Variants in MAGI1 observed in about 807,000 individuals in gnomAD.
MAGI1 encodes the protein membrane associated guanylate kinase, WW and PDZ domain containing 1.
Under a neutral mutation model 139.9 loss-of-function variants are expected in MAGI1, and 58 were observed. The observed-to-expected ratio is 0.41, with a 90% CI of 0.34 to 0.52. The LOEUF is 0.52. Ranked by LOEUF, MAGI1 falls within the 20% of genes least tolerant of loss-of-function variation. The pLI is 0.12. For synonymous variants in MAGI1, 812 were observed against 737.9 expected (o/e 1.10, Z -1.63); for missense variants, 1,874 against 1,901.6 (o/e 0.99, Z 0.27).
At chr3:65,696,724 T>A (rs902821972) in intron 1 of MAGI1, among the ~76,000 whole-genome samples, 7 of 152,142 alleles carry the variant, frequency 4.6e-5, no homozygotes, top group African/African-American at 1.4e-4. Flanking sequence ...CAAAAATTAA[T>A]GTATCACACC....
intron 1 of MAGI1, among the ~76,000 whole-genome samples, chr3:65,746,497 G>T (rs2035721660): frequency 6.6e-6 from 1 of 152,104 alleles, no homozygotes; most frequent in Non-Finnish European, 1.5e-5. Context: ...CTATATCATT[G>T]ACAGTATAAT....
At chr3:66,005,754 T>C in intron 1 of MAGI1, among the ~76,000 whole-genome samples, 1 of 151,964 alleles carries the variant, frequency 6.6e-6, no homozygotes, top group East Asian at 1.9e-4. Flanking sequence ...AGGGAGAGAT[T>C]TGGTAGAGGA....
intron 2 of MAGI1, among the ~76,000 whole-genome samples, chr3:65,590,970 T>C (rs2081940467): frequency 6.6e-6 from 1 of 152,240 alleles, no homozygotes; most frequent in African/African-American, 2.4e-5. Flanking sequence ...TTTCAAATCC[T>C]AAAATGTGCA....
At chr3:65,393,331 T>C (rs1263687337) in intron 13 of MAGI1, among the ~76,000 whole-genome samples, 1 of 152,208 alleles carries the variant, frequency 6.6e-6, no homozygotes, top group African/African-American at 2.4e-5. Flanking sequence ...AGCCCTTTTT[T>C]TGTGTGAACC....
chr3:65,726,434 A>G (rs116374097), intron 1 of MAGI1, among the ~76,000 whole-genome samples: 41 of 152,312 alleles, frequency 2.7e-4, no homozygotes, highest in Non-Finnish European at 5.3e-4. Flanking sequence ...ACAAATGAGA[A>G]GTAGATTCAG....
At position 65,587,487 on chromosome 3, in the gene MAGI1, T is replaced by C. The variant is rs1050111463; in HGVS notation, c.430+34485A>G. ...TTTATTATTACTTTTTTCTTTTTTT[T>C]TTTTTTTTTTTTTTGAGACAGGGTC... On this transcript the variant is annotated intron_variant, in intron 2 of 22. Transcript: ENST00000402939. 1.9e-4 allele frequency among the ~76,000 whole-genome samples: 28 copies of C among 143,930 alleles called. No homozygotes were observed. The South Asian group carries it at 2.7e-3, about 14-fold the overall frequency. 94.4% of individuals were successfully genotyped at this position (143,930 alleles called of 152,430 possible).
chr3:65,933,956 T>C (rs1037883799), intron 1 of MAGI1, among the ~76,000 whole-genome samples: 2 of 151,948 alleles, frequency 1.3e-5, no homozygotes, highest in African/African-American at 4.8e-5. Context: ...TGAAACCCCA[T>C]CTCTACTAAA....
At chr3:65,387,472 A>C (rs920556456) in intron 14 of MAGI1, among the ~76,000 whole-genome samples, 1 of 151,646 alleles carries the variant, frequency 6.6e-6, no homozygotes, top group Non-Finnish European at 1.5e-5. Context: ...TCCTATTACT[A>C]TCTTAAACTC....
intron 1 of MAGI1, among the ~76,000 whole-genome samples, chr3:65,720,716 C>T (rs1464202537): frequency 6.6e-6 from 1 of 151,994 alleles, no homozygotes; most frequent in Non-Finnish European, 1.5e-5. Flanking sequence ...CTGCCTGAGC[C>T]TGATATGCTC....
chr3:65,375,310 T>C (rs1158429618), intron 18 of MAGI1, among the ~76,000 whole-genome samples: 2 of 151,134 alleles, frequency 1.3e-5, no homozygotes, highest in Non-Finnish European at 2.9e-5. Flanking sequence ...TGCCTCAGCC[T>C]CCCGAGCAGC....
intron 1 of MAGI1, among the ~76,000 whole-genome samples, chr3:65,622,872 A>G (rs1196402098): frequency 6.6e-6 from 1 of 152,090 alleles, no homozygotes; most frequent in Non-Finnish European, 1.5e-5. Context: ...TGGCCCTACT[A>G]TAGCTTTTTT....
At chr3:65,670,071 G>T (rs532976061) in intron 1 of MAGI1, among the ~76,000 whole-genome samples, 61 of 152,180 alleles carry the variant, frequency 4.0e-4, no homozygotes, top group African/African-American at 1.4e-3. Flanking sequence ...CCACAAATTT[G>T]ATATTTGTTC....
intron 1 of MAGI1, among the ~76,000 whole-genome samples, chr3:65,917,351 G>C (rs1206308357): frequency 6.6e-6 from 1 of 152,200 alleles, no homozygotes; most frequent in Non-Finnish European, 1.5e-5. Flanking sequence ...CTGCTGGTGG[G>C]AATGCAAAAT....
At chr3:65,397,257 T>A (rs1272439896) in intron 13 of MAGI1, among the ~76,000 whole-genome samples, 1 of 152,198 alleles carries the variant, frequency 6.6e-6, no homozygotes, top group African/African-American at 2.4e-5. Context: ...AACGGAATGA[T>A]CTAGGCCAGG....
chr3:65,812,195 G>T (rs537565860), intron 1 of MAGI1, among the ~76,000 whole-genome samples: 1 of 151,992 alleles, frequency 6.6e-6, no homozygotes, highest in Non-Finnish European at 1.5e-5. Context: ...AGGAAGAAAA[G>T]AATAATATAC....
At chr3:65,446,202 C>A (rs1221403807) in intron 7 of MAGI1, among the ~76,000 whole-genome samples, 3 of 152,116 alleles carry the variant, frequency 2.0e-5, no homozygotes, top group Admixed American at 2.0e-4. Flanking sequence ...AACAACACTG[C>A]AAATAGCTAA....
In MAGI1 at chr3:65,962,833, A is replaced by C. The variant is rs1306440165; in HGVS notation, c.313+75163T>G. Among the ~76,000 whole-genome samples, 6 of 149,332 alleles carry C rather than the reference A, an allele frequency of 4.0e-5. No individual in the cohort carries two copies. In the South Asian group the frequency reaches 6.3e-4, roughly 16 times the overall value. ...GAGCGAGACTCTGTCTCGGGGGGAA[A>C]AAAAAAAAAAAAAAGAAGCAGAAGA... On this transcript the variant is annotated intron_variant, in intron 1 of 22. Transcript: ENST00000402939.
At chr3:65,417,182 G>A (rs534225113) in intron 12 of MAGI1, among the ~76,000 whole-genome samples, 10 of 152,270 alleles carry the variant, frequency 6.6e-5, no homozygotes, top group African/African-American at 2.2e-4. Flanking sequence ...AGGGCGGCAG[G>A]GGTAGTGACA....
intron 1 of MAGI1, among the ~76,000 whole-genome samples, chr3:65,727,820 CA>C (rs1309620346): frequency 1.3e-5 from 2 of 152,108 alleles, no homozygotes; most frequent in African/African-American, 4.8e-5. Context: ...CTTCTATTTT[CA>C]CAGAGGCAGA....
Sources: gnomAD v4.1 joint callset for allele counts (sites outside exome capture counted in the v4.1 genomes callset) on GRCh38, gnomAD v4.1.1 for gene constraint, MANE v1.5 for transcripts, NCBI Gene and HGNC (gene_info 2026-07-23, HGNC 2026-07-21) for gene names.